PPEF1: variants seen among roughly 807,000 people sequenced by gnomAD.
PPEF1 encodes the protein serine/threonine-protein phosphatase with EF-hands 1.
In PPEF1, 12 loss-of-function variants were observed where a neutral mutation model predicts 53.3. The ratio of observed to expected loss-of-function variants is 0.23; its 90% CI spans 0.14 to 0.36. PPEF1 has a LOEUF of 0.36. Among genes scored for constraint, PPEF1 ranks in the 10% least tolerant of loss-of-function variants. The pLI is 1.00. For missense variants in PPEF1, 334 were observed against 490.4 expected (o/e 0.68, Z 3.01); for synonymous variants, 165 against 176.7 (o/e 0.93, Z 0.52).
At chrX:18,700,240 G>GGGGT (rs1161305855) in intron 5 of PPEF1, 5 of 53,865 alleles carry the variant, frequency 9.3e-5, no homozygotes, top group East Asian at 4.4e-4. Context: ...TGCAGAGTGG[G>GGGGT]GTGTGTGTGT....
At position 18,730,198 on chromosome X, in the gene PPEF1, A is replaced by G. The variant is rs1224613541; in HGVS notation, c.64A>G (p.Ile22Val). ...GTCTGCAGCACTGAGAGCTGCGTTGATCATCCAGAACTGGTACCGAGGTTA... is the reference window on the plus strand; with the variant it reads ...GTCTGCAGCACTGAGAGCTGCGTTGGTCATCCAGAACTGGTACCGAGGTTA... ...RSDTSLRAAL[I>V]IQNWYRGYKA... The change falls in exon 2 of 16, where the codon ATC (isoleucine) becomes GTC (valine). Residue 22 changes from isoleucine (I) to valine (V), a missense_variant. By Grantham distance (29) the Ile-to-Val change is conservative. Coordinates refer to ENST00000470157, the MANE Select transcript of PPEF1 (RefSeq NM_001377996.1). The G allele has an allele frequency of 8.3e-7, 1 of 1,209,137 alleles. No individual in the cohort carries two copies.
At position 18,789,264 on chromosome X, in the gene PPEF1, A is replaced by G; in HGVS notation, c.1056A>G (p.Glu352=). ...GSPTEHLTEH[E]WEQIIDILWS... is the part of the protein sequence containing the mutation. ...CTACTGAACACTTAACAGAGCATGA[A>G]TGGGAACAGGTAGGTAATCAGGGTG... Residue 352 remains glutamate, a synonymous_variant, in exon 10 of 16, where the codon GAA becomes GAG. Coordinates refer to ENST00000470157, the MANE Select transcript of PPEF1 (RefSeq NM_001377996.1). 1 of 1,210,068 alleles carries G rather than the reference A, an allele frequency of 8.3e-7. No homozygotes were observed. Among genetic ancestry groups the G allele is most frequent in the Non-Finnish European group, 1.1e-6 (1 of 893,915 alleles).
chrX:18,711,000 A>G (rs774343146), intron 1 of PPEF1, among the ~76,000 whole-genome samples: 1 of 105,696 alleles, frequency 9.5e-6, no homozygotes, highest in African/African-American at 3.6e-5. Context: ...GTGTGTGTGT[A>G]TATATGTGTG....
intron 9 of PPEF1, among the ~76,000 whole-genome samples, chrX:18,787,109 A>G (rs2046220838): frequency 8.9e-6 from 1 of 112,058 alleles, no homozygotes; most frequent in African/African-American, 3.2e-5. Context: ...ATATCATTGA[A>G]CTGTAGTGAA....
intron 3 of PPEF1, among the ~76,000 whole-genome samples, chrX:18,745,110 A>ATTATATTATATATATTATATAG (rs2045293920): frequency 1.0e-5 from 1 of 95,322 alleles, no homozygotes; most frequent in African/African-American, 3.9e-5. Context: ...ATATTATATA[A>ATTATATTATATATATTATATAG]TTATATTATA....
chrX:18,771,572 G>A (rs1031017072), intron 6 of PPEF1, among the ~76,000 whole-genome samples: 2 of 110,854 alleles, frequency 1.8e-5, no homozygotes, highest in South Asian at 7.7e-4. Flanking sequence ...AGTCAAGTAC[G>A]AGACTGATTC....
At chrX:18,755,572 G>GCCCCC (rs2045530992) in intron 4 of PPEF1, among the ~76,000 whole-genome samples, 19 of 109,309 alleles carry the variant, frequency 1.7e-4, no homozygotes, top group African/African-American at 6.5e-4. Context: ...ATCCCCCCCA[G>GCCCCC]CCCCCAAAAA....
intron 2 of PPEF1, among the ~76,000 whole-genome samples, chrX:18,685,738 G>A (rs764034263): frequency 1.8e-5 from 2 of 109,438 alleles, no homozygotes; most frequent in East Asian, 2.9e-4. Context: ...TTGTGCAGAC[G>A]GAGTAGGCTG....
intron 8 of PPEF1, among the ~76,000 whole-genome samples, chrX:18,783,081 C>T (rs189388616): frequency 2.3e-4 from 22 of 97,259 alleles, no homozygotes; most frequent in Non-Finnish European, 4.3e-4. Flanking sequence ...CACTGCACTC[C>T]AGCCTGGGCA....
chrX:18,786,925 G>A (rs2046217104), intron 9 of PPEF1, among the ~76,000 whole-genome samples: 1 of 110,900 alleles, frequency 9.0e-6, no homozygotes, highest in Admixed American at 9.6e-5. Context: ...CCTGGGGAGA[G>A]TTTGTGGGCC....
At chrX:18,708,611 G>A (rs976808449) in intron 1 of PPEF1, among the ~76,000 whole-genome samples, 2 of 111,910 alleles carry the variant, frequency 1.8e-5, no homozygotes, top group East Asian at 2.8e-4. Flanking sequence ...TCTATTCCAC[G>A]TCTTGCCTTT....
chrX:18,817,987 A>G (rs2046954927), intron 12 of PPEF1, 52 bp from the exon 13 acceptor site: 66 of 932,961 alleles, frequency 7.1e-5, no homozygotes, highest in Non-Finnish European at 9.3e-5. Context: ...TTAAAATGAA[A>G]CACAACAGGA....
intron 4 of PPEF1, among the ~76,000 whole-genome samples, chrX:18,692,417 T>C (rs1368300856): frequency 8.9e-6 from 1 of 112,202 alleles, no homozygotes; most frequent in Non-Finnish European, 1.9e-5. Context: ...GCCTGGCACA[T>C]GGTAGACACC....
intron 1 of PPEF1, among the ~76,000 whole-genome samples, chrX:18,725,558 T>A (rs2044686479): frequency 9.0e-6 from 1 of 111,587 alleles, no homozygotes; most frequent in African/African-American, 3.3e-5. Context: ...AGCCTTGCAG[T>A]CTGCCTTTCC....
intron 3 of PPEF1, among the ~76,000 whole-genome samples, chrX:18,742,077 C>T (rs1056747434): frequency 5.4e-5 from 6 of 111,206 alleles, no homozygotes; most frequent in Non-Finnish European, 9.4e-5. Context: ...GGATTACACA[C>T]ATGAGCCACT....
At chrX:18,750,460 C>T (rs2045420859) in intron 4 of PPEF1, among the ~76,000 whole-genome samples, 3 of 111,893 alleles carry the variant, frequency 2.7e-5, no homozygotes, top group East Asian at 2.8e-4. Context: ...TTTAAAGGTT[C>T]GTTCATGTCA....
chrX:18,689,063 A>G (rs2147236429), intron 3 of PPEF1, among the ~76,000 whole-genome samples: 1 of 111,115 alleles, frequency 9.0e-6, no homozygotes, highest in African/African-American at 3.3e-5. Flanking sequence ...TTAATACCGG[A>G]GAGGTATAAT....
Position 18,816,323 on chromosome X carries a change from T to A in PPEF1, c.1395-1716T>A, listed in dbSNP as rs763525470. The stretch of plus-strand genomic sequence containing the variant: ...GCCCAAATTTCTTCTGTTGTTAATT[T>A]TTAATTTATTTATTTTCCCAAATTA... On this transcript the variant is annotated intron_variant, in intron 12 of 15. Coordinates refer to ENST00000470157, the MANE Select transcript of PPEF1 (RefSeq NM_001377996.1). Among the ~76,000 whole-genome samples the A allele has an allele frequency of 1.9e-4, 21 of 112,002 alleles. No individual in the cohort carries two copies. In the South Asian group the frequency reaches 7.7e-3, roughly 41 times the overall value.
chrX:18,698,153 C>A (rs1929836921), intron 5 of PPEF1, among the ~76,000 whole-genome samples: 1 of 111,932 alleles, frequency 8.9e-6, no homozygotes, highest in Non-Finnish European at 1.9e-5. Flanking sequence ...AGAACATGGT[C>A]AGTGCTCAAT....
Sources: allele counts gnomAD v4.1 joint callset (sites outside exome capture counted in the v4.1 genomes callset), GRCh38; gene constraint gnomAD v4.1.1; transcripts MANE v1.5; gene names NCBI Gene and HGNC (gene_info 2026-07-23, HGNC 2026-07-21).